The following CDK14 variants were observed in gnomAD, a reference collection of about 807,000 sequenced individuals.
CDK14 encodes the protein cyclin dependent kinase 14, also known as cyclin-dependent kinase 14.
CDK14 carries 34 observed loss-of-function variants against 60.7 expected under a neutral mutation model. That is an observed-to-expected ratio of 0.56 (90% CI 0.43 to 0.75). CDK14 has a LOEUF of 0.75. Among genes scored for constraint, CDK14 ranks in the 30% least tolerant of loss-of-function variants. The pLI is 0.00. For missense variants in CDK14, 482 were observed against 564.1 expected, an observed-to-expected ratio of 0.85 and a Z score of 1.47; for synonymous variants, 197 against 203.7, an observed-to-expected ratio of 0.97 and a Z score of 0.28.
chr7:90,715,922 A>G (rs1329728187), intron 2 of CDK14, among the ~76,000 whole-genome samples: 1 of 151,722 alleles, frequency 6.6e-6, no homozygotes, highest in Admixed American at 6.6e-5. Context: ...CTTTGGCTAT[A>G]AATGTTTTGT....
intron 11 of CDK14, among the ~76,000 whole-genome samples, chr7:91,052,838 ACT>A (rs1166533967): frequency 1.3e-5 from 2 of 152,242 alleles, no homozygotes; most frequent in Non-Finnish European, 2.9e-5. Context: ...AAGAAAATGG[ACT>A]GTCTCCCAAC....
intron 10 of CDK14, among the ~76,000 whole-genome samples, chr7:91,038,536 A>G (rs1796995617): frequency 6.6e-6 from 1 of 152,240 alleles, no homozygotes; most frequent in African/African-American, 2.4e-5. Flanking sequence ...TTGTGCCCCA[A>G]TATGCAGGGG....
At chr7:90,963,086 A>AGTGTGTGTGT (rs34662049) in intron 9 of CDK14, among the ~76,000 whole-genome samples, 2,014 of 142,138 alleles carry the variant, frequency 0.014, 21 homozygotes, top group Non-Finnish European at 0.016. Context: ...TCATCTTAAG[A>AGTGTGTGTGT]GTGTGTGTGT....
intron 9 of CDK14, among the ~76,000 whole-genome samples, chr7:90,963,873 G>A (rs1461847246): frequency 1.3e-5 from 2 of 151,654 alleles, no homozygotes; most frequent in African/African-American, 2.4e-5. Flanking sequence ...CCACTACCAC[G>A]CCTGGCTAAT....
chr7:90,669,531 A>T (rs1190363440), intron 2 of CDK14, among the ~76,000 whole-genome samples: 1 of 151,878 alleles, frequency 6.6e-6, no homozygotes, highest in South Asian at 2.1e-4. Context: ...GTAGCCTGGA[A>T]TATTGCTGCC....
At chr7:90,897,215 T>C (rs1027193693) in intron 6 of CDK14, among the ~76,000 whole-genome samples, 14 of 152,246 alleles carry the variant, frequency 9.2e-5, no homozygotes, top group Non-Finnish European at 1.6e-4. Flanking sequence ...TTTATTGATA[T>C]TTGCAATATA....
chr7:91,195,643 C>T (rs1295504411), intron 14 of CDK14, among the ~76,000 whole-genome samples: 2 of 152,164 alleles, frequency 1.3e-5, no homozygotes, highest in Non-Finnish European at 2.9e-5. Context: ...TGAGCAGTTG[C>T]AGCAGTCATT....
intron 2 of CDK14, among the ~76,000 whole-genome samples, chr7:90,719,846 A>G (rs1002863387): frequency 2.6e-5 from 4 of 152,232 alleles, no homozygotes; most frequent in African/African-American, 9.6e-5. Context: ...ATGAAAAAGT[A>G]CAGTCATGGA....
intron 2 of CDK14, among the ~76,000 whole-genome samples, chr7:90,629,075 T>TTA (rs1355824913): frequency 5.9e-5 from 9 of 152,090 alleles, no homozygotes; most frequent in South Asian, 4.1e-4. Flanking sequence ...CTTTTTTGTT[T>TTA]TATATATATT....
At chr7:90,664,901 G>GTA (rs1444660518) in intron 2 of CDK14, among the ~76,000 whole-genome samples, 1 of 151,990 alleles carries the variant, frequency 6.6e-6, no homozygotes, top group African/African-American at 2.4e-5. Context: ...TAACAAACCT[G>GTA]CAGATTGTGC....
At chr7:90,680,408 A>G (rs1253747230) in intron 2 of CDK14, among the ~76,000 whole-genome samples, 1 of 152,232 alleles carries the variant, frequency 6.6e-6, no homozygotes, top group African/African-American at 2.4e-5. Context: ...TTTTGCATTC[A>G]TAACACAATT....
chr7:91,132,639 A>C (rs1584106616), intron 14 of CDK14, among the ~76,000 whole-genome samples: 1 of 152,144 alleles, frequency 6.6e-6, no homozygotes, highest in East Asian at 1.9e-4. Context: ...CTTGAAATTA[A>C]GTAAAGAAAA....
At chr7:90,864,799 T>G (rs1562803532) in intron 6 of CDK14, among the ~76,000 whole-genome samples, 1 of 152,214 alleles carries the variant, frequency 6.6e-6, no homozygotes, top group Non-Finnish European at 1.5e-5. Context: ...GACTGACTTT[T>G]AAACATAATC....
chr7:90,649,268 C>G (rs566382386), intron 2 of CDK14, among the ~76,000 whole-genome samples: 557 of 47,542 alleles, frequency 0.012, 50 homozygotes, highest in South Asian at 0.025. Flanking sequence ...TTCTTTCTTT[C>G]TTTCTTTCTT....
chr7:90,667,559 G>A (rs1001744165), intron 2 of CDK14, among the ~76,000 whole-genome samples: 3 of 150,754 alleles, frequency 2.0e-5, no homozygotes, highest in African/African-American at 7.3e-5. Context: ...CATCCATGTT[G>A]TAGCATGTAT....
intron 10 of CDK14, among the ~76,000 whole-genome samples, chr7:91,033,279 G>A (rs113679321): frequency 4.8e-3 from 726 of 152,314 alleles, no homozygotes; most frequent in Non-Finnish European, 7.8e-3. Context: ...AGTTTTCCAT[G>A]CAGTCTTTAT....
chr7:90,667,646 T>TGCAA (rs1450604264), intron 2 of CDK14, among the ~76,000 whole-genome samples: 1 of 152,004 alleles, frequency 6.6e-6, no homozygotes, highest in Non-Finnish European at 1.5e-5. Context: ...CTCTGCTCAC[T>TGCAA]GCAAGCTCTG....
At position 90,600,191 on chromosome 7, in the gene CDK14, G is replaced by C. The variant is rs138920301; in HGVS notation, c.91+3473G>C. 2.2e-3 allele frequency among the ~76,000 whole-genome samples: 330 copies of C among 152,280 alleles called. 1 individual carries two copies. Among genetic ancestry groups the C allele is most frequent in the African/African-American group, 7.6e-3 (317 of 41,566 alleles). On this transcript the variant is annotated intron_variant, in intron 1 of 14. Coordinates refer to ENST00000380050, the MANE Select transcript of CDK14 (RefSeq NM_001287135.2). ...TGGTTTTCTACTAAATAGTGTCAGC[G>C]TGGTTCCTTATTTAGGAATTACTAC... is the stretch of plus-strand genomic sequence containing the variant.
chr7:91,206,659 C>T (rs906851998), intron 14 of CDK14, among the ~76,000 whole-genome samples: 3 of 152,206 alleles, frequency 2.0e-5, no homozygotes, highest in African/African-American at 7.2e-5. Context: ...TCAGGTCACA[C>T]TGGCCAATTT....
Sources: allele counts gnomAD v4.1 joint callset (sites outside exome capture counted in the v4.1 genomes callset), GRCh38; gene constraint gnomAD v4.1.1; transcripts MANE v1.5; gene names NCBI Gene and HGNC (gene_info 2026-07-23, HGNC 2026-07-21).